Variants in GINS1 observed in about 807,000 individuals in gnomAD.
GINS1 encodes DNA replication complex GINS protein PSF1.
A neutral mutation model predicts 34.9 loss-of-function variants in GINS1; 26 were observed. That is an observed-to-expected ratio of 0.74 (90% CI 0.55 to 1.03). The LOEUF (loss-of-function observed/expected upper bound fraction) is 1.03. GINS1 is among the 50% of genes least tolerant of loss of function. The probability of loss-of-function intolerance (pLI) is 0.00; values close to 1 mark genes in which losing one functional copy is unlikely to be tolerated. For synonymous variants in GINS1, 97 were observed against 84.4 expected, an observed-to-expected ratio of 1.15 and a Z score of -0.82; for missense variants, 235 against 237.9, an observed-to-expected ratio of 0.99 and a Z score of 0.08.
At chr20:25,442,610 ATTTT>A (rs146610455) in intron 6 of GINS1, among the ~76,000 whole-genome samples, 1 of 123,944 alleles carries the variant, frequency 8.1e-6, no homozygotes, top group Non-Finnish European at 1.6e-5. Flanking sequence ...TATTATTATT[ATTTT>A]TTTTTTTTTT....
chr20:25,418,975 T>C (rs2090338034), intron 4 of GINS1, among the ~76,000 whole-genome samples: 2 of 152,196 alleles, frequency 1.3e-5, no homozygotes, highest in African/African-American at 4.8e-5. Flanking sequence ...TAGCACAGAC[T>C]ATGTAGGGGT....
At chr20:25,441,907 A>AC in intron 6 of GINS1, 131 bp downstream of exon 6, 1 of 531,888 alleles carries the variant, frequency 1.9e-6, no homozygotes, top group South Asian at 2.9e-5. Flanking sequence ...AGTATAATAT[A>AC]CCCTGTTCTG....
intron 1 of GINS1, chr20:25,413,493 T>C: frequency 3.1e-6 from 1 of 326,260 alleles, no homozygotes; most frequent in South Asian, 6.6e-5. Context: ...TGAGTATATA[T>C]ATACACCTAG....
chr20:25,418,204 G>A lies in GINS1; in HGVS notation c.330+9G>A, dbSNP rs769696271. On this transcript the variant is annotated intron_variant, in intron 4 of 6. Coordinates refer to ENST00000262460, the MANE Select transcript of GINS1 (RefSeq NM_021067.5). ...ACATGGCTGCTGAAGAAGTGAGTTA[G>A]CATTGTTCAAGTTTATAAATTTTGA... The A allele has an allele frequency of 1.4e-6, 2 of 1,462,806 alleles. No homozygotes were observed. The highest frequency in any genetic ancestry group is 1.1e-5 in the South Asian group (1 of 88,310). The allele number at this position is 1,462,806 out of a possible 1,614,324, so 90.6% of individuals were successfully genotyped here.
intron 5 of GINS1, among the ~76,000 whole-genome samples, chr20:25,429,741 G>A (rs2146211287): frequency 6.6e-6 from 1 of 152,272 alleles, no homozygotes; most frequent in South Asian, 2.1e-4. Flanking sequence ...TTTTCTACAT[G>A]TAAGATCATA....
At chr20:25,427,018 C>G (rs2090395221) in intron 5 of GINS1, among the ~76,000 whole-genome samples, 1 of 151,950 alleles carries the variant, frequency 6.6e-6, no homozygotes, top group Non-Finnish European at 1.5e-5. Context: ...GGGCATATAT[C>G]CAGAGTGGAA....
chr20:25,439,122 C>G (rs1238545998), intron 5 of GINS1, among the ~76,000 whole-genome samples: 1 of 152,030 alleles, frequency 6.6e-6, no homozygotes, highest in Non-Finnish European at 1.5e-5. Context: ...TTACTAAAAC[C>G]TTTCAGTAGA....
intron 5 of GINS1, among the ~76,000 whole-genome samples, chr20:25,440,278 G>A (rs1391400038): frequency 6.6e-6 from 1 of 151,840 alleles, no homozygotes; most frequent in African/African-American, 2.4e-5. Context: ...TGGGATTATA[G>A]GCATGAGCTG....
chr20:25,445,310 T>C (rs1428946900), intron 6 of GINS1, among the ~76,000 whole-genome samples: 1 of 152,036 alleles, frequency 6.6e-6, no homozygotes, highest in Non-Finnish European at 1.5e-5. Flanking sequence ...GCCTCCTGTG[T>C]AGCTGGGATT....
chr20:25,432,099 C>T (rs2090430314), intron 5 of GINS1, among the ~76,000 whole-genome samples: 1 of 151,828 alleles, frequency 6.6e-6, no homozygotes, highest in Non-Finnish European at 1.5e-5. Flanking sequence ...TCTTGAACTC[C>T]TGACCTCAAA....
At chr20:25,445,348 A>ATTT (rs61186516) in intron 6 of GINS1, among the ~76,000 whole-genome samples, 1 of 138,366 alleles carries the variant, frequency 7.2e-6, no homozygotes. Flanking sequence ...CGCCTGGCTA[A>ATTT]TTTTTTTTTT....
At chr20:25,421,343 C>T (rs2090354088) in intron 4 of GINS1, among the ~76,000 whole-genome samples, 1 of 151,998 alleles carries the variant, frequency 6.6e-6, no homozygotes. Context: ...AAAGTAAAAG[C>T]AGAGCTAAAA....
intron 1 of GINS1, chr20:25,413,486 G>GTA (rs1278792453): frequency 2.1e-5 from 6 of 291,328 alleles, no homozygotes; most frequent in East Asian, 1.2e-4. Flanking sequence ...GTTTTCTTGA[G>GTA]TATATATATA....
rs1362413448 is a variant in GINS1 at position 25,448,244 on chromosome 20, CATCTT to C, written c.*2255_*2259del. The stretch of plus-strand genomic sequence containing the variant: ...TATATAAAACTGTTGGGAGAATTGA[CATCTT>C]AATAATATTGAGTCTTCTGGCCTAT... On this transcript the variant is annotated 3_prime_UTR_variant, in exon 7 of 7. Coordinates refer to ENST00000262460, the MANE Select transcript of GINS1 (RefSeq NM_021067.5). 4 of 152,234 alleles carry C rather than the reference CATCTT, an allele frequency of 2.6e-5. No individual in the cohort carries two copies. The highest frequency in any genetic ancestry group is 4.4e-5 in the Non-Finnish European group (3 of 68,040). 9.4% of individuals were successfully genotyped at this position (152,234 alleles called of 1,614,324 possible).
rs530545091 is a variant in GINS1, at chr20:25,422,174, A to G, written c.331-3037A>G. On this transcript the variant is annotated intron_variant, in intron 4 of 6. Transcript: ENST00000262460. ...GTCACTGAGGAATTCCCATGTATCC[A>G]TCACCCTGTTCAAGAAAGAACATTG... Among the ~76,000 whole-genome samples, 14 of 152,290 alleles carry G rather than the reference A, an allele frequency of 9.2e-5. No homozygotes were observed. In the South Asian group the frequency reaches 2.3e-3, roughly 25 times the overall value.
rs1229619719 is a variant in GINS1, at chr20:25,446,797, C to T, written c.*806C>T. The T allele has an allele frequency of 6.6e-6, 1 of 152,162 alleles. No homozygotes were observed. The highest frequency in any genetic ancestry group is 1.5e-5 in the Non-Finnish European group (1 of 68,028). 9.4% of individuals were successfully genotyped at this position (152,162 alleles called of 1,614,324 possible). A position where few individuals can be genotyped will look rare whatever the true frequency, so the allele number is the denominator to read the frequency against. On this transcript the variant is annotated 3_prime_UTR_variant, in exon 7 of 7. Coordinates refer to ENST00000262460, the MANE Select transcript of GINS1 (RefSeq NM_021067.5). Reference sequence around the variant, plus strand: ...CAGTTTTCCCTGAGATTCAGATTGACTGAAAAGTCACATGAAGAGTTGATT... The same window carrying T: ...CAGTTTTCCCTGAGATTCAGATTGATTGAAAAGTCACATGAAGAGTTGATT...
Position 25,425,305 on chromosome 20 carries a change from C to A in GINS1, c.425C>A (p.Pro142Gln), listed in dbSNP as rs1214166119. ...EGLDITQDMK[P>Q]PKSLYIEVRC... ...TTGGACATTACACAGGATATGAAAC[C>A]ACCAAAAAGCCTATATATTGAAGTA... The change falls in exon 5 of 7, where the codon CCA (proline) becomes CAA (glutamine). Residue 142 changes from proline to glutamine, a missense_variant. Transcript: ENST00000262460. 2.0e-6 allele frequency: 3 copies of A among 1,474,874 alleles called. No individual in the cohort carries two copies. The highest frequency in any genetic ancestry group is 2.8e-6 in the Non-Finnish European group (3 of 1,055,642). The allele number at this position is 1,474,874 out of a possible 1,614,324, so 91.4% of individuals were successfully genotyped here.
At position 25,436,099 on chromosome 20, in the gene GINS1, G is replaced by A. The variant is rs561261283; in HGVS notation, c.448-5603G>A. 9.9e-5 allele frequency among the ~76,000 whole-genome samples: 15 copies of A among 151,768 alleles called. No individual in the cohort carries two copies. The East Asian group carries it at 2.5e-3, about 26-fold the overall frequency. Reference sequence around the variant, plus strand: ...CTCCCAAAGTCCTGGGATTACAGGCGTGAGCCACTGTGCCCGGCCGAATTA... The same window carrying A: ...CTCCCAAAGTCCTGGGATTACAGGCATGAGCCACTGTGCCCGGCCGAATTA... On this transcript the variant is annotated intron_variant, in intron 5 of 6. Coordinates refer to ENST00000262460, the MANE Select transcript of GINS1 (RefSeq NM_021067.5).
At chr20:25,440,810 CA>C (rs60014594) in intron 5 of GINS1, among the ~76,000 whole-genome samples, 9,880 of 68,670 alleles carry the variant, frequency 0.14, 262 homozygotes, top group African/African-American at 0.2. Context: ...GACTCTGTCT[CA>C]AAAAAAAAAA....
Sources: gnomAD v4.1 joint callset for allele counts (sites outside exome capture counted in the v4.1 genomes callset) on GRCh38, gnomAD v4.1.1 for gene constraint, MANE v1.5 for transcripts, NCBI Gene and HGNC (gene_info 2026-07-23, HGNC 2026-07-21) for gene names.